PCDHGB7: variants seen among roughly 807,000 people sequenced by gnomAD.
The protein encoded by PCDHGB7 is protocadherin gamma-B7.
In PCDHGB7, 37 loss-of-function variants were observed where a neutral mutation model predicts 61.4. That is an observed-to-expected ratio of 0.60 (90% confidence interval 0.46 to 0.79). The LOEUF (loss-of-function observed/expected upper bound fraction) is 0.79, where lower values mean the gene tolerates loss of function less well. Among genes scored for constraint, PCDHGB7 ranks in the 30% least tolerant of loss-of-function variants. PCDHGB7 has a pLI of 0.00. For missense variants in PCDHGB7, 1,166 were observed against 1,202.5 expected (o/e 0.97, Z 0.45); for synonymous variants, 464 against 503.5 (o/e 0.92, Z 1.05).
rs775489120 is a variant in PCDHGB7 at position 141,418,594 on chromosome 5, C to T, written c.735C>T (p.Asp245=). ...ACAACCCCCCAGTGTTCAGCCAGGA[C>T]GTGTACAGGGTTAGCCTTCGGGAAG... ...ANDNPPVFSQ[D]VYRVSLREDV... is the part of the protein sequence containing the mutation. Residue 245 remains aspartate, a synonymous_variant, in exon 1 of 4, where the codon GAC becomes GAT. Coordinates refer to ENST00000398594, the MANE Select transcript of PCDHGB7 (RefSeq NM_018927.4). The T allele has an allele frequency of 3.1e-6, 5 of 1,614,022 alleles. No individual in the cohort carries two copies. In the Admixed American group the frequency reaches 8.3e-5, roughly 27 times the overall value.
At chr5:141,457,820 C>CTCAG (rs2098930320) in intron 1 of PCDHGB7, among the ~76,000 whole-genome samples, 1 of 152,198 alleles carries the variant, frequency 6.6e-6, no homozygotes, top group African/African-American at 2.4e-5. Flanking sequence ...CCAAGATAAA[C>CTCAG]TCAGAGCTTC....
intron 1 of PCDHGB7, among the ~76,000 whole-genome samples, chr5:141,463,948 C>A (rs1397198849): frequency 6.6e-6 from 1 of 151,846 alleles, no homozygotes; most frequent in Non-Finnish European, 1.5e-5. Context: ...TAGAAATCTT[C>A]ATTTTTAAAA....
intron 1 of PCDHGB7, among the ~76,000 whole-genome samples, chr5:141,462,459 CTG>C (rs2099040203): frequency 6.6e-6 from 1 of 152,010 alleles, no homozygotes; most frequent in African/African-American, 2.4e-5. Flanking sequence ...TAACTGAAAA[CTG>C]TGTATTCTGC....
At position 141,487,100 on chromosome 5, in the gene PCDHGB7, C is replaced by T. The variant is rs183291629; in HGVS notation, c.2416-7707C>T. On this transcript the variant is annotated intron_variant, in intron 1 of 3. Coordinates refer to ENST00000398594, the MANE Select transcript of PCDHGB7 (RefSeq NM_018927.4). The surrounding 1 kb of genome is among the most constrained non-coding windows in gnomAD (Gnocchi z 5.0). ...CCCAGCTGACCTCCCACCACAGAAG[C>T]TGGTCATTGTGGTAAAGGATAGTGG... The T allele has an allele frequency of 5.6e-4, 909 of 1,614,074 alleles. 2 individuals carry two copies. Among genetic ancestry groups the T allele is most frequent in the Non-Finnish European group, 1.4e-4 (168 of 1,179,960 alleles).
At chr5:141,495,356 C>A (rs889897990) in intron 2 of PCDHGB7, among the ~76,000 whole-genome samples, 3 of 152,222 alleles carry the variant, frequency 2.0e-5, no homozygotes, top group Non-Finnish European at 4.4e-5. Flanking sequence ...GGCAGCACAG[C>A]TGGAGGTGGA....
intron 1 of PCDHGB7, among the ~76,000 whole-genome samples, chr5:141,448,985 A>G (rs2098621528): frequency 6.6e-6 from 1 of 152,026 alleles, no homozygotes; most frequent in South Asian, 2.1e-4. Context: ...TTCCATATTA[A>G]TATATAGAAA....
At chr5:141,462,071 C>T (rs1473972601) in intron 1 of PCDHGB7, among the ~76,000 whole-genome samples, 1 of 152,214 alleles carries the variant, frequency 6.6e-6, no homozygotes, top group African/African-American at 2.4e-5. Context: ...GATCTGCCCG[C>T]CTTGGCCTCC....
At chr5:141,421,619 C>G in intron 1 of PCDHGB7, 1 of 1,613,694 alleles carries the variant, frequency 6.2e-7, no homozygotes, top group Non-Finnish European at 8.5e-7. Flanking sequence ...AATGATAACG[C>G]CCCCAGCTTC....
intron 2 of PCDHGB7, among the ~76,000 whole-genome samples, chr5:141,500,035 CTT>C: frequency 6.6e-6 from 1 of 152,100 alleles, no homozygotes; most frequent in East Asian, 1.9e-4. Flanking sequence ...GTGAGTGTCT[CTT>C]AAGTATCTTA....
rs1189175823 is a variant in PCDHGB7 at position 141,422,087 on chromosome 5, G to T, written c.2415+1813G>T. 2 of 1,611,966 alleles carry T rather than the reference G, an allele frequency of 1.2e-6. No individual in the cohort carries two copies. ...ATGTATTCATTTCGGAACATGGAAA[G>T]CAAGGCTTCTGAAATATTCCAATTG... is the stretch of plus-strand genomic sequence containing the variant. On this transcript the variant is annotated intron_variant, in intron 1 of 3. Transcript: ENST00000398594.
Position 141,431,451 on chromosome 5 carries a change from T to C in PCDHGB7, c.2415+11177T>C. On this transcript the variant is annotated intron_variant, in intron 1 of 3. Transcript: ENST00000398594. The surrounding 1 kb of genome is among the most constrained non-coding windows in gnomAD (Gnocchi z 4.8). ...ACAGGCACCGCGCGCATCCGCGTGA[T>C]GGTTCTGGATGCGAACGACAACGCA... The C allele has an allele frequency of 6.2e-7, 1 of 1,613,762 alleles. No individual in the cohort carries two copies. Among genetic ancestry groups the C allele is most frequent in the African/African-American group, 1.3e-5 (1 of 75,072 alleles).
intron 3 of PCDHGB7, among the ~76,000 whole-genome samples, chr5:141,507,673 G>A (rs184362608): frequency 6.6e-5 from 10 of 152,368 alleles, no homozygotes; most frequent in Admixed American, 2.6e-4. Context: ...AAATCCAGAT[G>A]TTAAAAACAG....
At chr5:141,503,474 T>C (rs2099820145) in intron 2 of PCDHGB7, among the ~76,000 whole-genome samples, 1 of 151,828 alleles carries the variant, frequency 6.6e-6, no homozygotes, top group South Asian at 2.1e-4. Context: ...ATGTGTGCAC[T>C]TGTCGTCCCA....
rs1011341002 is a variant in PCDHGB7, at chr5:141,476,141, G to T, written c.2416-18666G>T. 1 of 1,610,048 alleles carries T rather than the reference G, an allele frequency of 6.2e-7. No individual in the cohort carries two copies. The highest frequency in any genetic ancestry group is 2.2e-5 in the East Asian group (1 of 44,844). On this transcript the variant is annotated intron_variant, in intron 1 of 3. Coordinates refer to ENST00000398594, the MANE Select transcript of PCDHGB7 (RefSeq NM_018927.4). The surrounding 1 kb of genome is among the most constrained non-coding windows in gnomAD (Gnocchi z 7.6). ...GATGGTCCCAGAGGCCTGGAGGAGC[G>T]GACTGGTAAGCACCGGGAGGGTAGT...
At position 141,473,122 on chromosome 5, in the gene PCDHGB7, T is replaced by C. The variant is rs533113606; in HGVS notation, c.2416-21685T>C. On this transcript the variant is annotated intron_variant, in intron 1 of 3. Coordinates refer to ENST00000398594, the MANE Select transcript of PCDHGB7 (RefSeq NM_018927.4). ...TATTACCACACTTTACTTGGCTCTT[T>C]GGCAAACTATATTATCTCTTCAGAT... Among the ~76,000 whole-genome samples, 3 of 152,362 alleles carry C rather than the reference T, an allele frequency of 2.0e-5. No homozygotes were observed. In the East Asian group the frequency reaches 5.8e-4, roughly 29 times the overall value.
At chr5:141,492,195 CTT>C (rs1240529719) in intron 1 of PCDHGB7, among the ~76,000 whole-genome samples, 1 of 152,242 alleles carries the variant, frequency 6.6e-6, no homozygotes, top group Non-Finnish European at 1.5e-5. Context: ...GTCTGCGGGA[CTT>C]AGGTGTGCGC....
Position 141,417,768 on chromosome 5 carries a change from C to T in PCDHGB7, c.-92C>T. On this transcript the variant is annotated 5_prime_UTR_variant, in exon 1 of 4. Transcript: ENST00000398594. ...ATTGCCAGCTCCGAGACCCGGGACTCCTCCTGTCCTGGGCCGAATGCTCTT... is the reference window on the plus strand; with the variant it reads ...ATTGCCAGCTCCGAGACCCGGGACTTCTCCTGTCCTGGGCCGAATGCTCTT... The T allele has an allele frequency of 6.9e-7, 1 of 1,451,358 alleles. No individual in the cohort carries two copies. Among genetic ancestry groups the T allele is most frequent in the Non-Finnish European group, 9.1e-7 (1 of 1,098,848 alleles). The allele number at this position is 1,451,358 out of a possible 1,614,324, so 89.9% of individuals were successfully genotyped here.
chr5:141,496,276 G>C (rs1189269883), intron 2 of PCDHGB7, among the ~76,000 whole-genome samples: 1 of 152,204 alleles, frequency 6.6e-6, no homozygotes, highest in Admixed American at 6.5e-5. Flanking sequence ...AAGACCTTCA[G>C]TTGGTCTGAG....
intron 1 of PCDHGB7, among the ~76,000 whole-genome samples, chr5:141,453,679 T>C (rs960698192): frequency 2.0e-5 from 3 of 152,230 alleles, no homozygotes; most frequent in Non-Finnish European, 2.9e-5. Context: ...GGTAACACAC[T>C]ATGTAGGTAG....
Sources: gnomAD v4.1 joint callset for allele counts (sites outside exome capture counted in the v4.1 genomes callset) on GRCh38, gnomAD v4.1.1 for gene constraint, Gnocchi (gnomAD v3.1) non-coding constraint, MANE v1.5 for transcripts, NCBI Gene and HGNC (gene_info 2026-07-23, HGNC 2026-07-21) for gene names.